PDE6D: variants seen among roughly 807,000 people sequenced by gnomAD.
PDE6D encodes retinal rod rhodopsin-sensitive cGMP 3',5'-cyclic phosphodiesterase subunit delta.
In PDE6D, 10 loss-of-function variants were observed where a neutral mutation model predicts 21.9. That is an observed-to-expected ratio of 0.46 (90% confidence interval 0.28 to 0.78). The LOEUF (loss-of-function observed/expected upper bound fraction) is 0.78, where lower values mean the gene tolerates loss of function less well. Among genes scored for constraint, PDE6D ranks in the 30% least tolerant of loss-of-function variants. PDE6D has a pLI of 0.12. For missense variants in PDE6D, 139 were observed against 184.8 expected, an observed-to-expected ratio of 0.75 and a Z score of 1.44; for synonymous variants, 59 against 63.5, an observed-to-expected ratio of 0.93 and a Z score of 0.34.
chr2:231,738,632 C>G (rs900973367), intron 2 of PDE6D, among the ~76,000 whole-genome samples: 4 of 152,048 alleles, frequency 2.6e-5, no homozygotes, highest in Non-Finnish European at 5.9e-5. Context: ...AAGAAAGTAA[C>G]TGGCTGGGCG....
At chr2:231,768,082 G>A (rs1432113064) in intron 1 of PDE6D, among the ~76,000 whole-genome samples, 3 of 151,446 alleles carry the variant, frequency 2.0e-5, no homozygotes, top group Admixed American at 6.6e-5. Context: ...TGAGCTCAAG[G>A]GATCCATACA....
At chr2:231,743,424 G>A (rs1441419285) in intron 1 of PDE6D, among the ~76,000 whole-genome samples, 23 of 112,220 alleles carry the variant, frequency 2.0e-4, no homozygotes, top group African/African-American at 8.1e-4. Context: ...GCAAGATTCC[G>A]TCTCAAAAAA....
At chr2:231,743,215 A>G (rs1162525323) in intron 1 of PDE6D, among the ~76,000 whole-genome samples, 1 of 152,074 alleles carries the variant, frequency 6.6e-6, no homozygotes, top group Non-Finnish European at 1.5e-5. Context: ...CACGAGGTCA[A>G]GAGATCAAGA....
chr2:231,778,809 T>C (rs1372592556), intron 1 of PDE6D: 1 of 152,170 alleles, frequency 6.6e-6, no homozygotes, highest in Non-Finnish European at 1.5e-5. Flanking sequence ...AGAATACCAA[T>C]TAAAACAATG....
chr2:231,763,621 T>C (rs999072312), intron 1 of PDE6D, among the ~76,000 whole-genome samples: 1 of 151,974 alleles, frequency 6.6e-6, no homozygotes, highest in Non-Finnish European at 1.5e-5. Flanking sequence ...TCATTTTTCT[T>C]TAAAAACTTT....
intron 1 of PDE6D, among the ~76,000 whole-genome samples, chr2:231,745,954 G>A (rs1022476225): frequency 6.6e-6 from 1 of 152,026 alleles, no homozygotes; most frequent in African/African-American, 2.4e-5. Flanking sequence ...CGGGGTACTA[G>A]GTAAATTTCC....
chr2:231,781,282 T>G lies in PDE6D; in HGVS notation c.-168A>C, dbSNP rs2049124040. On this transcript the variant is annotated 5_prime_UTR_variant, in exon 1 of 5. Coordinates refer to ENST00000287600, the MANE Select transcript of PDE6D (RefSeq NM_002601.4). ...CTCTCCCCTCAGCTCCCGCTTCTGATCCCTTCTCCTTCCCCCTAGCCTCGC... is the reference window on the plus strand; with the variant it reads ...CTCTCCCCTCAGCTCCCGCTTCTGAGCCCTTCTCCTTCCCCCTAGCCTCGC... 4.8e-6 allele frequency: 3 copies of G among 622,896 alleles called. No individual in the cohort carries two copies. Among genetic ancestry groups the G allele is most frequent in the African/African-American group, 1.9e-5 (1 of 52,416 alleles). 38.6% of individuals were successfully genotyped at this position (622,896 alleles called of 1,614,324 possible). A position where few individuals can be genotyped will look rare whatever the true frequency, so the allele number is the denominator to read the frequency against.
In PDE6D at chr2:231,770,466, GACC is replaced by G. The variant is rs373444031; in HGVS notation, c.50+10596_50+10598del. Among the ~76,000 whole-genome samples the G allele has an allele frequency of 2.9e-3, 441 of 152,266 alleles. 1 individual carries two copies. Among genetic ancestry groups the G allele is most frequent in the African/African-American group, 0.01 (424 of 41,536 alleles). ...GGAAAAAAAAGAATATAGGAGATAT[GACC>G]ACATTAGAAGAGGATAATTTTCAAG... On this transcript the variant is annotated intron_variant, in intron 1 of 4. Transcript: ENST00000287600.
At chr2:231,765,915 C>T (rs1318617064) in intron 1 of PDE6D, among the ~76,000 whole-genome samples, 1 of 152,220 alleles carries the variant, frequency 6.6e-6, no homozygotes, top group African/African-American at 2.4e-5. Context: ...CCACTTTCTT[C>T]ATTAATTCTT....
At chr2:231,751,801 G>C (rs1258576760) in intron 1 of PDE6D, among the ~76,000 whole-genome samples, 2 of 152,088 alleles carry the variant, frequency 1.3e-5, no homozygotes, top group Non-Finnish European at 2.9e-5. Context: ...GATCGATGCT[G>C]ATGTTAACCT....
At chr2:231,741,561 A>G (rs1041702090) in intron 1 of PDE6D, among the ~76,000 whole-genome samples, 3 of 152,220 alleles carry the variant, frequency 2.0e-5, no homozygotes, top group Non-Finnish European at 2.9e-5. Flanking sequence ...TCCAGGCTAG[A>G]GCAGGTCACA....
chr2:231,749,742 C>CAGGCT (rs542263181), intron 1 of PDE6D, among the ~76,000 whole-genome samples: 27 of 152,212 alleles, frequency 1.8e-4, no homozygotes, highest in African/African-American at 6.3e-4. Context: ...CCATATTGGG[C>CAGGCT]AGGCTGGTCT....
At chr2:231,760,016 C>A (rs2048913562) in intron 1 of PDE6D, among the ~76,000 whole-genome samples, 1 of 152,122 alleles carries the variant, frequency 6.6e-6, no homozygotes, top group South Asian at 2.1e-4. Context: ...ATTCATAAGT[C>A]ACTACCAGAC....
chr2:231,742,306 G>A (rs2048756074), intron 1 of PDE6D, among the ~76,000 whole-genome samples: 1 of 151,996 alleles, frequency 6.6e-6, no homozygotes, highest in African/African-American at 2.4e-5. Flanking sequence ...ATTTTTAACT[G>A]GAGATGGGGT....
At chr2:231,748,148 C>G (rs929575027) in intron 1 of PDE6D, among the ~76,000 whole-genome samples, 1 of 152,064 alleles carries the variant, frequency 6.6e-6, no homozygotes, top group Non-Finnish European at 1.5e-5. Context: ...GGGTAACAGG[C>G]AGAGGTTGGA....
chr2:231,757,347 G>T (rs1417415010), intron 1 of PDE6D, among the ~76,000 whole-genome samples: 1 of 152,092 alleles, frequency 6.6e-6, no homozygotes, highest in South Asian at 2.1e-4. Context: ...GCCCAGGCTG[G>T]AGTGCAATGG....
chr2:231,735,965 T>C (rs2048697430), intron 4 of PDE6D, among the ~76,000 whole-genome samples: 1 of 149,084 alleles, frequency 6.7e-6, no homozygotes, highest in African/African-American at 2.5e-5. Context: ...GAGGCGGAGC[T>C]GGCAGTGAGC....
rs185501520 is a variant in PDE6D at position 231,758,461 on chromosome 2, T to C, written c.51-19273A>G. On this transcript the variant is annotated intron_variant, in intron 1 of 4. Coordinates refer to ENST00000287600, the MANE Select transcript of PDE6D (RefSeq NM_002601.4). ...CACATCAACTTATATATACCTTGTG[T>C]TCTAAGAAGCTAGGGCAAATTATAA... Among the ~76,000 whole-genome samples the C allele has an allele frequency of 2.7e-4, 41 of 152,258 alleles. No individual in the cohort carries two copies. In the East Asian group the frequency reaches 7.9e-3, roughly 29 times the overall value.
At chr2:231,748,750 G>T (rs1406200040) in intron 1 of PDE6D, among the ~76,000 whole-genome samples, 2 of 152,194 alleles carry the variant, frequency 1.3e-5, no homozygotes, top group Non-Finnish European at 2.9e-5. Flanking sequence ...GCAGCCACTT[G>T]GTGCCATGTC....
Sources: allele counts gnomAD v4.1 joint callset (sites outside exome capture counted in the v4.1 genomes callset), GRCh38; gene constraint gnomAD v4.1.1; transcripts MANE v1.5; gene names NCBI Gene and HGNC (gene_info 2026-07-23, HGNC 2026-07-21).